Variants in KLC4 observed in about 807,000 individuals in gnomAD.
KLC4 encodes kinesin light chain 4, also known as kinesin-like protein 8.
Under a neutral mutation model 77.2 loss-of-function variants are expected in KLC4, and 49 were observed. The observed-to-expected ratio is 0.63, with a 90% CI of 0.50 to 0.80. The LOEUF is 0.80. KLC4 is among the 30% of genes least tolerant of loss of function. KLC4 has a pLI of 0.00. For missense variants in KLC4, 669 were observed against 793.5 expected, an observed-to-expected ratio of 0.84 and a Z score of 1.89; for synonymous variants, 274 against 314.5, an observed-to-expected ratio of 0.87 and a Z score of 1.36.
At chr6:43,065,581 G>T in intron 3 of KLC4, 39 bp from the exon 4 acceptor site, 1 of 1,397,664 alleles carries the variant, frequency 7.2e-7, no homozygotes, top group Non-Finnish European at 1.0e-6. Context: ...TACTAGGTAG[G>T]GATATCTTGG....
At position 43,070,691 on chromosome 6, in the gene KLC4, G is replaced by A. The variant is rs1765673944; in HGVS notation, c.982-1G>A. 1.9e-6 allele frequency: 3 copies of A among 1,610,328 alleles called. No homozygotes were observed. The highest frequency in any genetic ancestry group is 3.3e-5 in the Admixed American group (2 of 59,928). Reference sequence around the variant, plus strand: ...TTATCCACTCCTTTGTTCCCTTTCAGGTCCTGGGCACGAATCATCCAGATG... The same window carrying A: ...TTATCCACTCCTTTGTTCCCTTTCAAGTCCTGGGCACGAATCATCCAGATG... On this transcript the variant is annotated splice_acceptor_variant, in intron 7 of 15. Transcript: ENST00000347162. LOFTEE classifies it high-confidence loss of function.
chr6:43,070,927 G>GA, intron 8 of KLC4, 62 bp downstream of exon 8: 1 of 413,656 alleles, frequency 2.4e-6, no homozygotes, highest in South Asian at 2.1e-5. Flanking sequence ...GGTGGGGGGA[G>GA]GGGGGGCAGG....
chr6:43,073,945 C>T lies in KLC4; in HGVS notation c.1789C>T (p.Pro597Ser), dbSNP rs1376625692. ...RAASLNYLNQ[P>S]SAAPLQVSRG... ...AGCCTCCTTGAACTATCTGAACCAA[C>T]CTAGTGCAGCACCCCTCCAGGTGAG... Residue 597 changes from proline to serine, a missense_variant, in exon 15 of 16, where the codon CCT (proline) becomes TCT (serine). Transcript: ENST00000347162. The T allele has an allele frequency of 2.5e-6, 4 of 1,612,190 alleles. No individual in the cohort carries two copies. The South Asian group carries it at 4.4e-5, about 18-fold the overall frequency.
At position 43,074,715 on chromosome 6, in the gene KLC4, A is replaced by G; in HGVS notation, c.*43A>G. On this transcript the variant is annotated 3_prime_UTR_variant, in exon 16 of 16. Coordinates refer to ENST00000347162, the MANE Select transcript of KLC4 (RefSeq NM_201521.3). ...AGGTCTGCTGGGTCCCCCCACCCCC[A>G]CAGCCCTCACAGCATTCCCCATTGC... The G allele has an allele frequency of 3.3e-6, 5 of 1,496,824 alleles. No homozygotes were observed. The Middle Eastern group carries it at 5.1e-4, about 153-fold the overall frequency. The allele number at this position is 1,496,824 out of a possible 1,614,324, so 92.7% of individuals were successfully genotyped here. A position where few individuals can be genotyped will look rare whatever the true frequency, so the allele number is the denominator to read the frequency against.
At chr6:43,060,358 C>T (rs766677968) in intron 1 of KLC4, 2 of 1,485,506 alleles carry the variant, frequency 1.3e-6, no homozygotes, top group Non-Finnish European at 1.8e-6. Context: ...GGGAGGCTGG[C>T]TTGGGGAAGG....
At chr6:43,070,663 C>A (rs1198385534) in intron 7 of KLC4, 29 bp from the exon 8 acceptor site, 1 of 1,597,350 alleles carries the variant, frequency 6.3e-7, no homozygotes, top group African/African-American at 1.3e-5. Flanking sequence ...TTATCATAGC[C>A]ATTTATCCAC....
intron 2 of KLC4, chr6:43,062,544 C>T (rs775713587): frequency 1.6e-5 from 4 of 252,178 alleles, no homozygotes; most frequent in African/African-American, 6.8e-5. Flanking sequence ...GTGCCTGGCC[C>T]TGATTTTACT....
intron 12 of KLC4, 127 bp from the exon 13 acceptor site, chr6:43,072,697 A>G (rs1765789627): frequency 1.3e-6 from 1 of 777,998 alleles, no homozygotes; most frequent in African/African-American, 1.7e-5. Flanking sequence ...TTATTCCAGT[A>G]GGTATAAACT....
intron 2 of KLC4, 117 bp from the exon 3 acceptor site, chr6:43,062,800 C>T (rs1765226742): frequency 5.3e-6 from 4 of 749,590 alleles, no homozygotes; most frequent in Non-Finnish European, 9.1e-6. Context: ...GCTACACCCC[C>T]ACCTTCTGGC....
At position 43,061,319 on chromosome 6, in the gene KLC4, A is replaced by T; in HGVS notation, c.-17A>T. ...CTGTTGTTTCTCCCTAGACCGGGCA[A>T]GGTCCCCCAGGCCAGGATGTCAGGC... On this transcript the variant is annotated 5_prime_UTR_variant, in exon 2 of 16. In the 5' UTR this introduces an upstream ATG that the reference lacks. Coordinates refer to ENST00000347162, the MANE Select transcript of KLC4 (RefSeq NM_201521.3). The T allele has an allele frequency of 6.2e-7, 1 of 1,612,316 alleles. No homozygotes were observed. Among genetic ancestry groups the T allele is most frequent in the Non-Finnish European group, 8.5e-7 (1 of 1,179,374 alleles).
chr6:43,070,095 C>CAAAA (rs1160489881), intron 6 of KLC4, among the ~76,000 whole-genome samples: 16 of 79,424 alleles, frequency 2.0e-4, no homozygotes, highest in Non-Finnish European at 4.1e-4. Flanking sequence ...ACAACAACAA[C>CAAAA]AAAAAAAAAA....
intron 2 of KLC4, 25 bp downstream of exon 2, chr6:43,061,618 G>A (rs1370152358): frequency 1.3e-6 from 2 of 1,590,010 alleles, no homozygotes; most frequent in Non-Finnish European, 8.6e-7. Flanking sequence ...GTGGTGCCAA[G>A]TGGTCCAGGG....
Position 43,072,197 on chromosome 6 carries a change from A to G in KLC4, c.1430A>G (p.Gln477Arg), listed in dbSNP as rs1765766126. 1 of 1,614,182 alleles carries G rather than the reference A, an allele frequency of 6.2e-7. No individual in the cohort carries two copies. The highest frequency in any genetic ancestry group is 8.5e-7 in the Non-Finnish European group (1 of 1,180,018). Reference sequence around the variant, plus strand: ...AACCTGGGAGCTCTGTATAGGCGCCAGGGAAAGCTGGAGGCTGCTGAGACC... The same window carrying G: ...AACCTGGGAGCTCTGTATAGGCGCCGGGGAAAGCTGGAGGCTGCTGAGACC... ...LRNLGALYRR[Q>R]GKLEAAETLE... The change falls in exon 12 of 16, where the codon CAG becomes CGG. Residue 477 changes from glutamine to arginine, a missense_variant. Transcript: ENST00000347162.
chr6:43,060,254 C>T (rs764721554), intron 1 of KLC4: 8 of 1,614,130 alleles, frequency 5.0e-6, no homozygotes, highest in Middle Eastern at 1.6e-4. Context: ...CCTCCCTCCC[C>T]TTTCCCAGAC....
rs1765034899 is a variant in KLC4, at chr6:43,059,727, C to T, written c.-26+42C>T. 4 of 1,259,766 alleles carry T rather than the reference C, an allele frequency of 3.2e-6. No individual in the cohort carries two copies. In the African/African-American group the frequency reaches 4.6e-5, roughly 14 times the overall value. 78.0% of individuals were successfully genotyped at this position (1,259,766 alleles called of 1,614,324 possible). On this transcript the variant is annotated intron_variant, in intron 1 of 15. Coordinates refer to ENST00000347162, the MANE Select transcript of KLC4 (RefSeq NM_201521.3). ...ATCCTGGGGCTGAAGGTTAAGGTCT[C>T]TGCCATCTCTTATTCTCGCACTACC...
At chr6:43,070,921 GGGGGA>G (rs1337489523) in intron 8 of KLC4, 56 bp downstream of exon 8, 21 of 406,968 alleles carry the variant, frequency 5.2e-5, no homozygotes, top group East Asian at 4.3e-4. Context: ...CACAGAGGTG[GGGGGA>G]GGGGGGGCAG....
intron 1 of KLC4, chr6:43,060,059 A>C: frequency 6.7e-7 from 1 of 1,500,376 alleles, no homozygotes; most frequent in African/African-American, 1.4e-5. Flanking sequence ...TTCCAGGCCC[A>C]GGAGACCCAC....
At position 43,071,239 on chromosome 6, in the gene KLC4, G is replaced by A. The variant is rs201076057; in HGVS notation, c.1156-36G>A. 7,818 of 1,035,024 alleles carry A rather than the reference G, an allele frequency of 7.6e-3. 41 individuals carry two copies. Among genetic ancestry groups the A allele is most frequent in the South Asian group, 0.01 (793 of 77,342 alleles). 64.1% of individuals were successfully genotyped at this position (1,035,024 alleles called of 1,614,324 possible). The stretch of plus-strand genomic sequence containing the variant: ...AAAAAAAGACCTTGCCTCCCTCCAT[G>A]TTTTGTTCCTGTATTTTTGCCTTTC... On this transcript the variant is annotated intron_variant, in intron 8 of 15. Coordinates refer to ENST00000347162, the MANE Select transcript of KLC4 (RefSeq NM_201521.3).
intron 2 of KLC4, among the ~76,000 whole-genome samples, chr6:43,061,857 G>A (rs1247438030): frequency 6.6e-6 from 1 of 152,154 alleles, no homozygotes. Flanking sequence ...TAATGATTCG[G>A]TATGCCAGAG....
Sources: allele counts gnomAD v4.1 joint callset (sites outside exome capture counted in the v4.1 genomes callset), GRCh38; gene constraint gnomAD v4.1.1; transcripts MANE v1.5; gene names NCBI Gene and HGNC (gene_info 2026-07-23, HGNC 2026-07-21).